CDH12: variants seen among roughly 807,000 people sequenced by gnomAD.
CDH12 encodes cadherin-12.
CDH12 carries 41 observed loss-of-function variants against 74.1 expected under a neutral mutation model. That is an observed-to-expected ratio of 0.55 (90% CI 0.43 to 0.72). The LOEUF is 0.72. Among genes scored for constraint, CDH12 ranks in the 30% least tolerant of loss-of-function variants. The pLI is 0.00. For missense variants in CDH12, 945 were observed against 977.2 expected, an observed-to-expected ratio of 0.97 and a Z score of 0.44; for synonymous variants, 399 against 355.0, an observed-to-expected ratio of 1.12 and a Z score of -1.39.
chr5:22,393,802 G>A (rs1742344507), intron 3 of CDH12, among the ~76,000 whole-genome samples: 1 of 152,098 alleles, frequency 6.6e-6, no homozygotes, highest in South Asian at 2.1e-4. Context: ...CAATGGAGAG[G>A]ATTCAGAAGT....
At chr5:21,926,910 G>C (rs996269573) in intron 6 of CDH12, among the ~76,000 whole-genome samples, 2 of 152,156 alleles carry the variant, frequency 1.3e-5, no homozygotes, top group Non-Finnish European at 2.9e-5. Flanking sequence ...AAAACATGGA[G>C]GAGGAGTTGG....
At chr5:22,037,182 A>G (rs1300029693) in intron 5 of CDH12, among the ~76,000 whole-genome samples, 1 of 152,236 alleles carries the variant, frequency 6.6e-6, no homozygotes, top group African/African-American at 2.4e-5. Context: ...TCACACCTTA[A>G]TACTCACATC....
chr5:21,855,153 T>C (rs1750689843), intron 6 of CDH12, among the ~76,000 whole-genome samples: 1 of 151,860 alleles, frequency 6.6e-6, no homozygotes, highest in African/African-American at 2.4e-5. Flanking sequence ...AGGATATCAA[T>C]AGAGAGGCTA....
At chr5:21,874,101 A>T (rs1751799197) in intron 6 of CDH12, among the ~76,000 whole-genome samples, 1 of 152,186 alleles carries the variant, frequency 6.6e-6, no homozygotes, top group African/African-American at 2.4e-5. Context: ...AATGATTTAT[A>T]TTCCTTTGGG....
intron 1 of CDH12, among the ~76,000 whole-genome samples, chr5:22,678,015 C>T (rs997434376): frequency 2.9e-5 from 4 of 138,732 alleles, no homozygotes; most frequent in Admixed American, 1.5e-4. Context: ...ACCTAAATAC[C>T]AGAAGGCTCA....
chr5:22,009,690 G>A (rs1737177396), intron 5 of CDH12, among the ~76,000 whole-genome samples: 1 of 151,868 alleles, frequency 6.6e-6, no homozygotes, highest in African/African-American at 2.4e-5. Flanking sequence ...AAGAAAGTTT[G>A]TAGTTGGCCC....
At chr5:22,205,861 G>C (rs1168780551) in intron 4 of CDH12, among the ~76,000 whole-genome samples, 1 of 151,946 alleles carries the variant, frequency 6.6e-6, no homozygotes, top group Non-Finnish European at 1.5e-5. Context: ...CCTCTTAATT[G>C]CAAGGAATTA....
At chr5:22,691,217 C>G (rs1371920682) in intron 1 of CDH12, among the ~76,000 whole-genome samples, 1 of 152,094 alleles carries the variant, frequency 6.6e-6, no homozygotes, top group African/African-American at 2.4e-5. Context: ...CTGAAAAAAG[C>G]CTGTGCTTCA....
chr5:22,505,955 G>A (rs1736371073), intron 1 of CDH12, among the ~76,000 whole-genome samples: 2 of 152,074 alleles, frequency 1.3e-5, no homozygotes, highest in Admixed American at 6.6e-5. Context: ...TATTACTGTT[G>A]ACACAGATCT....
intron 1 of CDH12, among the ~76,000 whole-genome samples, chr5:22,694,957 A>G (rs895522556): frequency 8.6e-5 from 13 of 152,028 alleles, no homozygotes; most frequent in Non-Finnish European, 1.3e-4. Context: ...CCCCGCATGC[A>G]TTAGGTATTT....
intron 10 of CDH12, among the ~76,000 whole-genome samples, chr5:21,800,510 GCT>G (rs953976700): frequency 4.1e-4 from 63 of 152,136 alleles, no homozygotes; most frequent in African/African-American, 1.5e-3. Flanking sequence ...TCTAGAGAGA[GCT>G]CTCTTTCTCT....
intron 1 of CDH12, among the ~76,000 whole-genome samples, chr5:22,737,962 G>A (rs1744825515): frequency 6.6e-6 from 1 of 152,032 alleles, no homozygotes; most frequent in Admixed American, 6.6e-5. Flanking sequence ...AGTGGGGTAA[G>A]GGGTGTAAAT....
intron 2 of CDH12, among the ~76,000 whole-genome samples, chr5:22,465,996 T>A (rs1457734940): frequency 6.6e-6 from 1 of 152,178 alleles, no homozygotes; most frequent in African/African-American, 2.4e-5. Flanking sequence ...AAGATTAGGG[T>A]TCCTTCCCAT....
chr5:22,787,178 C>A (rs1417841004), intron 1 of CDH12, among the ~76,000 whole-genome samples: 1 of 151,950 alleles, frequency 6.6e-6, no homozygotes, highest in Non-Finnish European at 1.5e-5. Flanking sequence ...CAATTCTTAT[C>A]TTGATTACTT....
At chr5:22,820,858 G>T (rs1749661463) in intron 1 of CDH12, among the ~76,000 whole-genome samples, 1 of 152,102 alleles carries the variant, frequency 6.6e-6, no homozygotes, top group East Asian at 1.9e-4. Flanking sequence ...AATAGAAAAA[G>T]AGGGAATCCT....
chr5:22,724,063 G>A lies in CDH12; in HGVS notation c.-523+128995C>T, dbSNP rs182835020. ...TTAAATTCTTAGCGTCACATAGGTA[G>A]CAATTGCAAAAGATGGGCTGTCAAC... On this transcript the variant is annotated intron_variant, in intron 1 of 14. Transcript: ENST00000382254. Among the ~76,000 whole-genome samples, 11 of 151,796 alleles carry A rather than the reference G, an allele frequency of 7.2e-5. No homozygotes were observed. In the East Asian group the frequency reaches 1.6e-3, roughly 21 times the overall value.
chr5:21,766,768 G>T (rs1447986893), intron 11 of CDH12, among the ~76,000 whole-genome samples: 1 of 151,864 alleles, frequency 6.6e-6, no homozygotes, highest in Non-Finnish European at 1.5e-5. Context: ...AATGCCTAAT[G>T]CCTAATACTT....
At chr5:22,068,916 C>T (rs1741746389) in intron 5 of CDH12, among the ~76,000 whole-genome samples, 1 of 152,188 alleles carries the variant, frequency 6.6e-6, no homozygotes, top group Non-Finnish European at 1.5e-5. Flanking sequence ...GAAGACCTAA[C>T]ATTTCAGCAG....
At chr5:22,046,060 G>A (rs958350530) in intron 5 of CDH12, among the ~76,000 whole-genome samples, 6 of 152,116 alleles carry the variant, frequency 3.9e-5, no homozygotes, top group African/African-American at 9.7e-5. Flanking sequence ...CATTGCCAAT[G>A]TAAATATAAG....
Sources: allele counts gnomAD v4.1 joint callset (sites outside exome capture counted in the v4.1 genomes callset), GRCh38; gene constraint gnomAD v4.1.1; transcripts MANE v1.5; gene names NCBI Gene and HGNC (gene_info 2026-07-23, HGNC 2026-07-21).